DGKB: variants seen among roughly 807,000 people sequenced by gnomAD.
The protein encoded by DGKB is diacylglycerol kinase beta.
A neutral mutation model predicts 114.3 loss-of-function variants in DGKB; 67 were observed. That is an observed-to-expected ratio of 0.59 (90% CI 0.48 to 0.72). The LOEUF is 0.72. DGKB is among the 30% of genes least tolerant of loss of function. DGKB has a pLI of 0.00. For synonymous variants in DGKB, 398 were observed against 323.1 expected, an observed-to-expected ratio of 1.23 and a Z score of -2.49; for missense variants, 907 against 975.2, an observed-to-expected ratio of 0.93 and a Z score of 0.93.
intron 20 of DGKB, among the ~76,000 whole-genome samples, chr7:14,531,137 C>A (rs10272545): frequency 6.6e-6 from 1 of 151,410 alleles, no homozygotes; most frequent in South Asian, 2.1e-4. Flanking sequence ...AAAGGGAATG[C>A]TGACTTTTAC....
At chr7:14,708,520 C>T (rs1027385514) in intron 6 of DGKB, among the ~76,000 whole-genome samples, 1 of 151,082 alleles carries the variant, frequency 6.6e-6, no homozygotes, top group Non-Finnish European at 1.5e-5. Context: ...AATCCTAAGC[C>T]AAAAGAACAA....
At chr7:14,701,121 GACTATA>G (rs1335109555) in intron 7 of DGKB, among the ~76,000 whole-genome samples, 2 of 151,970 alleles carry the variant, frequency 1.3e-5, no homozygotes, top group Non-Finnish European at 2.9e-5. Context: ...TATTTTTTAT[GACTATA>G]ACTATACAAT....
chr7:14,345,483 GA>G, intron 21 of DGKB, 92 bp from the exon 22 acceptor site: 1 of 654,392 alleles, frequency 1.5e-6, no homozygotes, highest in Non-Finnish European at 2.6e-6. Flanking sequence ...TGTTATAATA[GA>G]AAAGGTCTGA....
At chr7:14,648,739 A>G (rs1238191039) in intron 13 of DGKB, among the ~76,000 whole-genome samples, 3 of 147,566 alleles carry the variant, frequency 2.0e-5, no homozygotes, top group African/African-American at 7.5e-5. Flanking sequence ...AGAAGTTGAA[A>G]ACCTTGAAAA....
chr7:14,391,816 G>A lies in DGKB; in HGVS notation c.1836-46425C>T, dbSNP rs561249737. On this transcript the variant is annotated intron_variant, in intron 21 of 25. Transcript: ENST00000402815. ...TCACATGCTTAAAGTTAAAATAAAT[G>A]CAAAATGCTCACTGTATTCTCATTC... 5.3e-5 allele frequency among the ~76,000 whole-genome samples: 8 copies of A among 152,230 alleles called. No individual in the cohort carries two copies. The East Asian group carries it at 1.5e-3, about 29-fold the overall frequency.
At chr7:14,405,289 G>A (rs900257018) in intron 21 of DGKB, among the ~76,000 whole-genome samples, 4 of 151,836 alleles carry the variant, frequency 2.6e-5, no homozygotes, top group Non-Finnish European at 5.9e-5. Context: ...GTATCAGCTG[G>A]GGAATCACAA....
intron 21 of DGKB, among the ~76,000 whole-genome samples, chr7:14,393,295 C>A (rs1821707863): frequency 1.3e-5 from 2 of 151,954 alleles, no homozygotes; most frequent in South Asian, 4.1e-4. Context: ...GGTCAACAGA[C>A]CTGTTTTTAT....
At chr7:14,639,082 G>A (rs1257523712) in intron 13 of DGKB, among the ~76,000 whole-genome samples, 2 of 151,904 alleles carry the variant, frequency 1.3e-5, no homozygotes, top group South Asian at 2.1e-4. Context: ...AAAAAAACAC[G>A]AAGTGAGCAT....
rs541656045 is a variant in DGKB, at chr7:14,185,316, G to A, written c.2123-7165C>T. Among the ~76,000 whole-genome samples, 1,196 of 151,984 alleles carry A rather than the reference G, an allele frequency of 7.9e-3. 19 individuals carry two copies. Among genetic ancestry groups the A allele is most frequent in the African/African-American group, 0.028 (1,148 of 41,444 alleles). On this transcript the variant is annotated intron_variant, in intron 23 of 25. Transcript: ENST00000402815. The stretch of plus-strand genomic sequence containing the variant: ...TAGGAATATACCTAACCAAGGAGTC[G>A]AAAGACCTCTACAAGGAAAACTGCA...
intron 23 of DGKB, among the ~76,000 whole-genome samples, chr7:14,252,903 G>A (rs1484265292): frequency 6.6e-6 from 1 of 152,136 alleles, no homozygotes; most frequent in East Asian, 1.9e-4. Context: ...CGTGTAAGGG[G>A]AAAATGTTCT....
chr7:14,473,677 A>G (rs1231567129), intron 21 of DGKB, among the ~76,000 whole-genome samples: 1 of 152,176 alleles, frequency 6.6e-6, no homozygotes, highest in African/African-American at 2.4e-5. Flanking sequence ...ATGGGGGACT[A>G]TACCCTGCAA....
intron 13 of DGKB, among the ~76,000 whole-genome samples, chr7:14,643,356 C>T (rs1453079710): frequency 1.0e-5 from 1 of 98,712 alleles, no homozygotes; most frequent in Non-Finnish European, 2.4e-5. Context: ...CTGTATTGTT[C>T]CAGAGAGGAA....
At chr7:14,403,082 A>G (rs893743512) in intron 21 of DGKB, among the ~76,000 whole-genome samples, 4 of 151,926 alleles carry the variant, frequency 2.6e-5, no homozygotes, top group Admixed American at 6.6e-5. Flanking sequence ...GTATATGTAT[A>G]TACATACATA....
intron 3 of DGKB, among the ~76,000 whole-genome samples, chr7:14,756,267 T>G (rs987083272): frequency 6.6e-6 from 1 of 152,062 alleles, no homozygotes; most frequent in African/African-American, 2.4e-5. Flanking sequence ...TTTTGTGTCT[T>G]ATAGCAATTC....
chr7:14,729,423 T>G (rs1830594145), intron 5 of DGKB, among the ~76,000 whole-genome samples: 1 of 152,196 alleles, frequency 6.6e-6, no homozygotes. Flanking sequence ...TTTTGCTCAC[T>G]GATGTATCCC....
At chr7:14,236,376 AG>A (rs1324365689) in intron 23 of DGKB, among the ~76,000 whole-genome samples, 2 of 136,592 alleles carry the variant, frequency 1.5e-5, no homozygotes, top group Non-Finnish European at 3.2e-5. Context: ...GCCAAAAAAA[AG>A]GAAAATTAAT....
chr7:14,152,256 G>A (rs1231980764), intron 25 of DGKB, among the ~76,000 whole-genome samples: 2 of 152,036 alleles, frequency 1.3e-5, no homozygotes, highest in African/African-American at 2.4e-5. Flanking sequence ...TTAAGCGTCA[G>A]GTAATTACTT....
chr7:14,915,729 C>T (rs538085123), intron 1 of DGKB, among the ~76,000 whole-genome samples: 43 of 152,082 alleles, frequency 2.8e-4, no homozygotes, highest in African/African-American at 1.0e-3. Context: ...AATTATCCTT[C>T]AAAGGGGAAG....
intron 15 of DGKB, among the ~76,000 whole-genome samples, chr7:14,620,257 T>G (rs561606086): frequency 1.3e-5 from 2 of 151,352 alleles, no homozygotes; most frequent in Non-Finnish European, 3.0e-5. Flanking sequence ...TCCTTTTATA[T>G]TTGAGTTTAA....
Sources: allele counts gnomAD v4.1 joint callset (sites outside exome capture counted in the v4.1 genomes callset), GRCh38; gene constraint gnomAD v4.1.1; transcripts MANE v1.5; gene names NCBI Gene and HGNC (gene_info 2026-07-23, HGNC 2026-07-21).